Variants in VPS54 observed in about 807,000 individuals in gnomAD.
VPS54 encodes vacuolar protein sorting-associated protein 54.
Under a neutral mutation model 121.5 loss-of-function variants are expected in VPS54, and 45 were observed. The observed-to-expected ratio is 0.37, with a 90% CI of 0.29 to 0.47. The LOEUF (loss-of-function observed/expected upper bound fraction) is 0.47, where lower values mean the gene tolerates loss of function less well. Among genes scored for constraint, VPS54 ranks in the 20% least tolerant of loss-of-function variants. VPS54 has a pLI of 0.99. For missense variants in VPS54, 1,090 were observed against 1,131.4 expected (o/e 0.96, Z 0.52); for synonymous variants, 371 against 385.8 (o/e 0.96, Z 0.45).
At chr2:64,007,387 G>A (rs1025486745) in intron 1 of VPS54, among the ~76,000 whole-genome samples, 2 of 152,104 alleles carry the variant, frequency 1.3e-5, no homozygotes, top group Non-Finnish European at 2.9e-5. Flanking sequence ...TAGAGTAGAC[G>A]AGATAAAAAT....
At chr2:63,988,922 T>G (rs1677183744) in intron 1 of VPS54, among the ~76,000 whole-genome samples, 1 of 152,002 alleles carries the variant, frequency 6.6e-6, no homozygotes, top group Admixed American at 6.6e-5. Context: ...CAAAAACGAG[T>G]AAGAGAAATA....
intron 12 of VPS54, among the ~76,000 whole-genome samples, chr2:63,931,094 G>A (rs1674175410): frequency 1.3e-5 from 2 of 152,144 alleles, no homozygotes; most frequent in South Asian, 4.1e-4. Context: ...ACTGCCAAAA[G>A]TAATTTATAG....
In VPS54 at chr2:63,975,127, C is replaced by A. The variant is rs900707125; in HGVS notation, c.379-2883G>T. On this transcript the variant is annotated intron_variant, in intron 3 of 22. Coordinates refer to ENST00000272322, the MANE Select transcript of VPS54 (RefSeq NM_016516.3). Reference sequence around the variant, plus strand: ...GTGGCGTGATCTTGGTTCACTGCAACCTCCACCTCCTGGGTCCAAGTGATT... The same window carrying A: ...GTGGCGTGATCTTGGTTCACTGCAAACTCCACCTCCTGGGTCCAAGTGATT... 45 of 1,121,374 alleles carry A rather than the reference C, an allele frequency of 4.0e-5. No homozygotes were observed. The African/African-American group carries it at 4.5e-4, about 11-fold the overall frequency. The allele number at this position is 1,121,374 out of a possible 1,614,324, so 69.5% of individuals were successfully genotyped here. A position where few individuals can be genotyped will look rare whatever the true frequency, so the allele number is the denominator to read the frequency against.
chr2:63,978,900 G>A (rs188628223), intron 3 of VPS54, among the ~76,000 whole-genome samples: 141 of 152,224 alleles, frequency 9.3e-4, no homozygotes, highest in East Asian at 2.7e-3. Flanking sequence ...GATTACAAGC[G>A]TGAGCCACCA....
rs528179126 is a variant in VPS54 at position 63,965,928 on chromosome 2, T to C, written c.531A>G (p.Leu177=). ...MKPDFALDDS[L]TFNSVLPWSH... is the part of the protein sequence containing the mutation. ...ACCATGGTAAAACTGAATTAAAAGTTAAGGAATCATCCAAGGCAAAATCTG... is the reference window on the plus strand; with the variant it reads ...ACCATGGTAAAACTGAATTAAAAGTCAAGGAATCATCCAAGGCAAAATCTG... Residue 177 remains leucine, a synonymous_variant, in exon 6 of 23, where the codon TTA becomes TTG. Transcript: ENST00000272322. The C allele has an allele frequency of 3.1e-6, 5 of 1,611,704 alleles. No homozygotes were observed. The African/African-American group carries it at 5.3e-5, about 17-fold the overall frequency.
Position 63,983,953 on chromosome 2 carries a change from C to G in VPS54, c.47G>C (p.Ser16Thr). The G allele has an allele frequency of 1.2e-6, 2 of 1,613,694 alleles. No individual in the cohort carries two copies. Among genetic ancestry groups the G allele is most frequent in the Non-Finnish European group, 1.7e-6 (2 of 1,179,744 alleles). Residue 16 changes from serine to threonine, a missense_variant, in exon 2 of 23, where the codon AGT becomes ACT. Ser to Thr is a moderately conservative substitution (Grantham distance 58, BLOSUM62 1). Coordinates refer to ENST00000272322, the MANE Select transcript of VPS54 (RefSeq NM_016516.3). Reference sequence around the variant, plus strand: ...TACCTCTATTTTAAAGAAAACATCACTGCTGCTTCCTTGAGGCACTGGTGA... The same window carrying G: ...TACCTCTATTTTAAAGAAAACATCAGTGCTGCTTCCTTGAGGCACTGGTGA... ...SSSPVPQGSS[S>T]DVFFKIEVDP... is the part of the protein sequence containing the mutation.
intron 20 of VPS54, among the ~76,000 whole-genome samples, chr2:63,908,962 A>AC (rs1673018333): frequency 6.6e-6 from 1 of 152,200 alleles, no homozygotes; most frequent in Non-Finnish European, 1.5e-5. Context: ...TAAAATTTCT[A>AC]CCAACATGTT....
chr2:63,939,784 C>A (rs547524580), intron 11 of VPS54, among the ~76,000 whole-genome samples: 1 of 148,878 alleles, frequency 6.7e-6, no homozygotes, highest in Admixed American at 6.7e-5. Flanking sequence ...TTTTTTAAGA[C>A]GGAGTCTTGC....
chr2:63,923,877 A>G (rs147719309), intron 12 of VPS54, among the ~76,000 whole-genome samples: 247 of 152,330 alleles, frequency 1.6e-3, no homozygotes, highest in African/African-American at 5.7e-3. Context: ...CAGTGATTCA[A>G]TTATATACCA....
At chr2:63,984,068 A>C in intron 1 of VPS54, 49 bp from the exon 2 acceptor site, 2 of 1,466,620 alleles carry the variant, frequency 1.4e-6, no homozygotes, top group Non-Finnish European at 9.1e-7. Flanking sequence ...ATCAAAATCC[A>C]AGTATTATAC....
chr2:63,979,239 T>TTG (rs1056775368), intron 3 of VPS54, among the ~76,000 whole-genome samples: 1 of 150,118 alleles, frequency 6.7e-6, no homozygotes, highest in South Asian at 2.1e-4. Context: ...TTTTTTCTGT[T>TTG]TGTTTTTTTT....
intron 9 of VPS54, 96 bp from the exon 10 acceptor site, chr2:63,944,751 T>G: frequency 1.0e-6 from 1 of 977,146 alleles, no homozygotes; most frequent in Admixed American, 2.6e-5. Context: ...AGGCCCTTAC[T>G]ATATGAACAG....
chr2:63,937,224 G>A (rs1311015241), intron 11 of VPS54, among the ~76,000 whole-genome samples: 1 of 151,880 alleles, frequency 6.6e-6, no homozygotes, highest in Non-Finnish European at 1.5e-5. Context: ...CTGCGGAATG[G>A]GAGAAAATAT....
In VPS54 at chr2:63,933,849, T is replaced by C. The variant is rs1674330015; in HGVS notation, c.1563A>G (p.Ala521=). The part of the protein sequence containing the change: ...LIHEGMFISD[A]FGEGELTPIA... ...TAGGTGTTAGCTCACCCTCACCGAATGCATCACTTATAAACATGCCTTCAT... is the reference window on the plus strand; with the variant it reads ...TAGGTGTTAGCTCACCCTCACCGAACGCATCACTTATAAACATGCCTTCAT... Residue 521 remains alanine (A), a synonymous_variant, in exon 12 of 23, where the codon GCA becomes GCG. Coordinates refer to ENST00000272322, the MANE Select transcript of VPS54 (RefSeq NM_016516.3). The C allele has an allele frequency of 6.2e-7, 1 of 1,613,920 alleles. No individual in the cohort carries two copies.
At chr2:64,005,828 T>G (rs2104689207) in intron 1 of VPS54, among the ~76,000 whole-genome samples, 1 of 152,308 alleles carries the variant, frequency 6.6e-6, no homozygotes. Context: ...GTTCACAGAT[T>G]CCCTGAATTC....
Position 63,893,328 on chromosome 2 carries a change from C to G in VPS54, c.*102G>C, listed in dbSNP as rs1485495347. 1 of 1,028,256 alleles carries G rather than the reference C, an allele frequency of 9.7e-7. No homozygotes were observed. Among genetic ancestry groups the G allele is most frequent in the South Asian group, 1.3e-5 (1 of 79,292 alleles). 63.7% of individuals were successfully genotyped at this position (1,028,256 alleles called of 1,614,324 possible). On this transcript the variant is annotated 3_prime_UTR_variant, in exon 23 of 23. Coordinates refer to ENST00000272322, the MANE Select transcript of VPS54 (RefSeq NM_016516.3). ...TTTTCCCTTCCCCCACCCCAGTTCA[C>G]TTTGGGTTTCAGGTTCAATTCTCGA...
intron 15 of VPS54, among the ~76,000 whole-genome samples, chr2:63,919,541 C>G (rs982918985): frequency 1.3e-5 from 2 of 152,032 alleles, no homozygotes; most frequent in African/African-American, 4.8e-5. Flanking sequence ...CAAATCCCAA[C>G]TCATCATTTG....
intron 3 of VPS54, among the ~76,000 whole-genome samples, chr2:63,977,032 T>C (rs1340439154): frequency 3.9e-5 from 6 of 152,052 alleles, no homozygotes; most frequent in Non-Finnish European, 8.8e-5. Context: ...TTTCATCATG[T>C]TGGCCAGGCT....
At chr2:63,900,723 A>G (rs1050267679) in intron 20 of VPS54, among the ~76,000 whole-genome samples, 1 of 152,096 alleles carries the variant, frequency 6.6e-6, no homozygotes, top group African/African-American at 2.4e-5. Context: ...TATTCCAGGT[A>G]GAGGACAGGC....
Sources: allele counts gnomAD v4.1 joint callset (sites outside exome capture counted in the v4.1 genomes callset), GRCh38; gene constraint gnomAD v4.1.1; transcripts MANE v1.5; gene names NCBI Gene and HGNC (gene_info 2026-07-23, HGNC 2026-07-21).